ZFHX3: variants seen among roughly 807,000 people sequenced by gnomAD.
ZFHX3 encodes zinc finger homeobox protein 3.
ZFHX3 carries 42 observed loss-of-function variants against 279.1 expected under a neutral mutation model. The observed-to-expected ratio is 0.15, with a 90% CI of 0.12 to 0.19. ZFHX3 has a LOEUF of 0.19. Ranked by LOEUF, ZFHX3 falls within the 10% of genes least tolerant of loss-of-function variation. The pLI is 1.00. For missense variants in ZFHX3, 4,981 were observed against 4,754.0 expected (o/e 1.05, Z -1.40); for synonymous variants, 2,293 against 1,957.8 (o/e 1.17, Z -4.52).
At chr16:73,588,881 TAGACAGAGACAGAG>T (rs1028721159) in intron 2 of ZFHX3, among the ~76,000 whole-genome samples, 4 of 151,882 alleles carry the variant, frequency 2.6e-5, no homozygotes, top group Non-Finnish European at 4.4e-5. Flanking sequence ...TGGAGAGGTC[TAGACAGAGACAGAG>T]AGACAGAGAC....
At chr16:73,675,020 A>G (rs1477557506) in intron 2 of ZFHX3, among the ~76,000 whole-genome samples, 1 of 152,170 alleles carries the variant, frequency 6.6e-6, no homozygotes, top group African/African-American at 2.4e-5. Context: ...GCTCATGGAC[A>G]CAGAAGCAAG....
chr16:73,837,193 T>C (rs1018455090), intron 1 of ZFHX3, among the ~76,000 whole-genome samples: 1 of 152,344 alleles, frequency 6.6e-6, no homozygotes, highest in Non-Finnish European at 1.5e-5. Flanking sequence ...CAGTGCACCA[T>C]GTGATGGGCC....
intron 3 of ZFHX3, among the ~76,000 whole-genome samples, chr16:72,910,091 G>T (rs1361346582): frequency 6.6e-6 from 1 of 152,078 alleles, no homozygotes; most frequent in Non-Finnish European, 1.5e-5. Context: ...CTGGTTCTCA[G>T]GTTCTGCATC....
At chr16:73,789,373 G>A (rs1281126773) in intron 1 of ZFHX3, among the ~76,000 whole-genome samples, 1 of 151,766 alleles carries the variant, frequency 6.6e-6, no homozygotes, top group African/African-American at 2.4e-5. Flanking sequence ...GTAGAGACGG[G>A]GTTTCACCAT....
intron 2 of ZFHX3, among the ~76,000 whole-genome samples, chr16:73,620,649 C>A (rs966997170): frequency 2.0e-5 from 3 of 152,188 alleles, no homozygotes; most frequent in African/African-American, 4.8e-5. Flanking sequence ...AGAATTGATT[C>A]TTTTCCCCTA....
At chr16:73,737,940 C>A (rs556407952) in intron 1 of ZFHX3, among the ~76,000 whole-genome samples, 1 of 152,062 alleles carries the variant, frequency 6.6e-6, no homozygotes, top group Non-Finnish European at 1.5e-5. Context: ...TGTAGAGGTA[C>A]TTTTTAGCAG....
intron 2 of ZFHX3, among the ~76,000 whole-genome samples, chr16:73,516,347 G>A (rs1358063394): frequency 6.6e-6 from 1 of 152,172 alleles, no homozygotes; most frequent in Middle Eastern, 3.2e-3. Flanking sequence ...GTGTGTGCAT[G>A]CATACACGTG....
intron 5 of ZFHX3, among the ~76,000 whole-genome samples, chr16:73,212,358 A>G (rs1006364892): frequency 3.9e-5 from 6 of 152,216 alleles, no homozygotes; most frequent in African/African-American, 1.2e-4. Context: ...TATTATGAAC[A>G]TATTTCCATG....
At chr16:72,937,276 T>C (rs1036352220) in intron 3 of ZFHX3, among the ~76,000 whole-genome samples, 1 of 151,246 alleles carries the variant, frequency 6.6e-6, no homozygotes, top group Non-Finnish European at 1.5e-5. Flanking sequence ...TTAGGGAGAG[T>C]TACAGACAGA....
At chr16:73,318,551 T>C (rs935977472) in intron 3 of ZFHX3, among the ~76,000 whole-genome samples, 5 of 152,138 alleles carry the variant, frequency 3.3e-5, no homozygotes, top group African/African-American at 2.4e-5. Context: ...TTCTGGCTAA[T>C]AATGCTTCTG....
At chr16:73,655,208 A>G (rs983867568) in intron 2 of ZFHX3, among the ~76,000 whole-genome samples, 1 of 152,170 alleles carries the variant, frequency 6.6e-6, no homozygotes, top group African/African-American at 2.4e-5. Flanking sequence ...CTCATTTCGC[A>G]TCTTTGAGAT....
chr16:73,602,953 C>G (rs71388978), intron 2 of ZFHX3, among the ~76,000 whole-genome samples: 11,384 of 121,882 alleles, frequency 0.093, 616 homozygotes, highest in Middle Eastern at 0.23. Context: ...AAAAAAAAAT[C>G]ACCATCTGAT....
At chr16:73,160,532 C>A (rs1184958470) in intron 5 of ZFHX3, among the ~76,000 whole-genome samples, 4 of 152,052 alleles carry the variant, frequency 2.6e-5, no homozygotes, top group African/African-American at 9.7e-5. Flanking sequence ...TCCTACCCCA[C>A]AGTCACGTTT....
At chr16:73,338,985 C>T (rs895822929) in intron 3 of ZFHX3, among the ~76,000 whole-genome samples, 2 of 152,182 alleles carry the variant, frequency 1.3e-5, no homozygotes, top group African/African-American at 4.8e-5. Flanking sequence ...CCTTGGCCTT[C>T]CACCATCATT....
At chr16:73,208,406 A>G (rs1049866287) in intron 5 of ZFHX3, among the ~76,000 whole-genome samples, 1 of 150,618 alleles carries the variant, frequency 6.6e-6, no homozygotes, top group East Asian at 2.0e-4. Context: ...AAATATACCA[A>G]CGTCATAGGC....
chr16:73,220,977 G>C (rs1048422012), intron 5 of ZFHX3, among the ~76,000 whole-genome samples: 1 of 152,140 alleles, frequency 6.6e-6, no homozygotes, highest in Non-Finnish European at 1.5e-5. Flanking sequence ...TCCTATATGG[G>C]GAAAGCTGTA....
intron 1 of ZFHX3, among the ~76,000 whole-genome samples, chr16:73,716,647 ACACGCATGCACG>A (rs888636643): frequency 6.4e-4 from 29 of 45,082 alleles, no homozygotes; most frequent in African/African-American, 1.9e-3. Context: ...ACACACACAC[ACACGCATGCACG>A]CACGCACAGA....
chr16:73,830,335 T>C (rs1351274727), intron 1 of ZFHX3, among the ~76,000 whole-genome samples: 1 of 149,786 alleles, frequency 6.7e-6, no homozygotes, highest in Non-Finnish European at 1.5e-5. Context: ...ACCCGGTACC[T>C]CAGATGGAAA....
intron 2 of ZFHX3, among the ~76,000 whole-genome samples, chr16:73,533,001 T>A (rs1156744752): frequency 1.3e-5 from 2 of 152,230 alleles, no homozygotes; most frequent in Non-Finnish European, 2.9e-5. Flanking sequence ...TAAACCTCTG[T>A]TCTTTATAAA....
Sources: gnomAD v4.1 joint callset for allele counts (sites outside exome capture counted in the v4.1 genomes callset) on GRCh38, gnomAD v4.1.1 for gene constraint, MANE v1.5 for transcripts, NCBI Gene and HGNC (gene_info 2026-07-23, HGNC 2026-07-21) for gene names.